The following FARSB variants were observed in gnomAD, a reference collection of about 807,000 sequenced individuals.
The protein encoded by FARSB is phenylalanyl-tRNA synthetase subunit beta.
Under a neutral mutation model 69.6 loss-of-function variants are expected in FARSB, and 40 were observed. The observed-to-expected ratio is 0.57, with a 90% CI of 0.45 to 0.75. The LOEUF (loss-of-function observed/expected upper bound fraction) is 0.75, where lower values mean the gene tolerates loss of function less well. Among genes scored for constraint, FARSB ranks in the 30% least tolerant of loss-of-function variants. FARSB has a pLI of 0.00. For missense variants in FARSB, 632 were observed against 722.9 expected (o/e 0.87, Z 1.44); for synonymous variants, 235 against 247.2 (o/e 0.95, Z 0.46).
intron 3 of FARSB, 143 bp from the exon 4 acceptor site, chr2:222,641,074 CT>C: frequency 6.3e-6 from 2 of 318,634 alleles, no homozygotes. Context: ...TGGCTGAACA[CT>C]AAAAAAAAAA....
intron 10 of FARSB, among the ~76,000 whole-genome samples, chr2:222,626,141 C>T (rs535562241): frequency 2.1e-5 from 3 of 146,268 alleles, no homozygotes; most frequent in Non-Finnish European, 3.0e-5. Flanking sequence ...CCCAGCTACT[C>T]GGGAGGCTGA....
At chr2:222,580,095 T>C (rs530522685) in intron 16 of FARSB, among the ~76,000 whole-genome samples, 1 of 151,988 alleles carries the variant, frequency 6.6e-6, no homozygotes, top group African/African-American at 2.4e-5. Context: ...ATTCATTACA[T>C]ATAAGTAAAT....
At chr2:222,619,565 TA>T (rs1220515085) in intron 14 of FARSB, 79 bp downstream of exon 14, 1 of 711,464 alleles carries the variant, frequency 1.4e-6, no homozygotes, top group Non-Finnish European at 2.6e-6. Context: ...ATCTCAGGTA[TA>T]ATAACTGAAG....
intron 1 of FARSB, among the ~76,000 whole-genome samples, chr2:222,655,397 T>A (rs1367772996): frequency 6.6e-6 from 1 of 152,182 alleles, no homozygotes. Flanking sequence ...TCTAAAGTTG[T>A]TCTTGGCACA....
Position 222,624,572 on chromosome 2 carries a change from A to C in FARSB, c.963-93T>G, listed in dbSNP as rs536929715. The C allele has an allele frequency of 3.1e-5, 31 of 986,230 alleles. No individual in the cohort carries two copies. In the African/African-American group the frequency reaches 4.2e-4, roughly 14 times the overall value. 61.1% of individuals were successfully genotyped at this position (986,230 alleles called of 1,614,324 possible). On this transcript the variant is annotated intron_variant, in intron 11 of 16. Transcript: ENST00000281828. ...ACATATGCTACTAGCTGAAACAGTA[A>C]CCTTTCTTTTTGAGTTCTATCAGAA... is the stretch of plus-strand genomic sequence containing the variant.
At chr2:222,651,179 G>A (rs1391480296) in intron 1 of FARSB, among the ~76,000 whole-genome samples, 1 of 152,152 alleles carries the variant, frequency 6.6e-6, no homozygotes, top group Non-Finnish European at 1.5e-5. Context: ...GAGGAATCCT[G>A]GTTAAGAAGA....
intron 16 of FARSB, 73 bp downstream of exon 16, chr2:222,599,855 A>G (rs1690515170): frequency 8.0e-7 from 1 of 1,243,686 alleles, no homozygotes; most frequent in Non-Finnish European, 1.1e-6. Flanking sequence ...CAAAACTACC[A>G]ACTTCATCAA....
At chr2:222,647,160 G>A (rs1691886762) in intron 2 of FARSB, among the ~76,000 whole-genome samples, 1 of 152,176 alleles carries the variant, frequency 6.6e-6, no homozygotes, top group African/African-American at 2.4e-5. Context: ...GTGGCAAAAG[G>A]GGCAGGGGAA....
intron 15 of FARSB, among the ~76,000 whole-genome samples, chr2:222,608,681 T>A (rs1690768309): frequency 6.6e-6 from 1 of 152,138 alleles, no homozygotes. Flanking sequence ...TTTAGAAAAG[T>A]TTCAGGGAAA....
chr2:222,613,675 G>A (rs1690915598), intron 15 of FARSB, 136 bp downstream of exon 15: 5 of 548,952 alleles, frequency 9.1e-6, no homozygotes, highest in South Asian at 2.5e-5. Flanking sequence ...CCATGTGTTG[G>A]TAACTGTTGA....
At chr2:222,578,702 G>A (rs762790317) in intron 16 of FARSB, among the ~76,000 whole-genome samples, 17 of 151,676 alleles carry the variant, frequency 1.1e-4, no homozygotes, top group Non-Finnish European at 2.1e-4. Context: ...AGCTGGGGCC[G>A]GGCACAGTAG....
At chr2:222,614,175 A>C (rs1047815194) in intron 14 of FARSB, among the ~76,000 whole-genome samples, 2 of 152,260 alleles carry the variant, frequency 1.3e-5, no homozygotes, top group African/African-American at 4.8e-5. Flanking sequence ...TGATTAAAAA[A>C]TAAACGAGAA....
intron 2 of FARSB, among the ~76,000 whole-genome samples, 161 bp from the exon 3 acceptor site, chr2:222,643,166 A>G (rs1456828312): frequency 6.6e-6 from 1 of 152,248 alleles, no homozygotes; most frequent in Admixed American, 6.5e-5. Flanking sequence ...TGAAAATATT[A>G]AGTGTTATAA....
intron 16 of FARSB, among the ~76,000 whole-genome samples, chr2:222,596,202 C>A (rs1690409971): frequency 6.6e-6 from 1 of 152,146 alleles, no homozygotes; most frequent in Admixed American, 6.6e-5. Context: ...TTTGCAGATA[C>A]TCCACATGCT....
intron 7 of FARSB, 52 bp from the exon 8 acceptor site, chr2:222,631,726 A>G: frequency 9.9e-7 from 1 of 1,005,376 alleles, no homozygotes; most frequent in Non-Finnish European, 1.6e-6. Flanking sequence ...CAGAAATAGA[A>G]GTGCACTATT....
intron 16 of FARSB, among the ~76,000 whole-genome samples, chr2:222,593,718 A>AAACAC (rs1690336982): frequency 6.6e-6 from 1 of 151,774 alleles, no homozygotes; most frequent in Non-Finnish European, 1.5e-5. Flanking sequence ...AAACAAAACA[A>AAACAC]AAATTAGCCA....
intron 15 of FARSB, among the ~76,000 whole-genome samples, chr2:222,610,942 G>A (rs1690833518): frequency 1.3e-5 from 2 of 152,074 alleles, no homozygotes; most frequent in African/African-American, 4.8e-5. Context: ...ATGGAACTGT[G>A]GTGCTTTGCT....
chr2:222,597,111 A>G (rs1690438806), intron 16 of FARSB, among the ~76,000 whole-genome samples: 1 of 152,162 alleles, frequency 6.6e-6, no homozygotes, highest in African/African-American at 2.4e-5. Flanking sequence ...AATGCGGCCA[A>G]TGATGGTGAT....
Position 222,613,668 on chromosome 2 carries a change from T to C in FARSB, c.1462+143A>G, listed in dbSNP as rs551516595. ...GGTATAGATGAAAGAAGCCTGTCCATGTGTTGGTAACTGTTGAAGGTGGGT... is the reference window on the plus strand; with the variant it reads ...GGTATAGATGAAAGAAGCCTGTCCACGTGTTGGTAACTGTTGAAGGTGGGT... On this transcript the variant is annotated intron_variant, in intron 15 of 16. Transcript: ENST00000281828. 555 of 535,590 alleles carry C rather than the reference T, an allele frequency of 1.0e-3. 1 individual carries two copies. The highest frequency in any genetic ancestry group is 1.7e-3 in the Non-Finnish European group (523 of 300,850). The allele number at this position is 535,590 out of a possible 1,614,324, so 33.2% of individuals were successfully genotyped here. A position where few individuals can be genotyped will look rare whatever the true frequency, so the allele number is the denominator to read the frequency against.
Sources: allele counts gnomAD v4.1 joint callset (sites outside exome capture counted in the v4.1 genomes callset), GRCh38; gene constraint gnomAD v4.1.1; transcripts MANE v1.5; gene names NCBI Gene and HGNC (gene_info 2026-07-23, HGNC 2026-07-21).